Variants in CYP4Z1 observed in about 807,000 individuals in gnomAD.
CYP4Z1 encodes cytochrome P450 4Z1.
In CYP4Z1, 41 loss-of-function variants were observed where a neutral mutation model predicts 54.2. That is an observed-to-expected ratio of 0.76 (90% CI 0.59 to 0.98). CYP4Z1 has a LOEUF of 0.98. CYP4Z1 is among the 50% of genes least tolerant of loss of function. The pLI is 0.00. For synonymous variants in CYP4Z1, 163 were observed against 206.2 expected (o/e 0.79, Z 1.79); for missense variants, 513 against 599.0 (o/e 0.86, Z 1.50).
the CYP4Z1 span, among the ~76,000 whole-genome samples, chr1:47,060,699 T>C: frequency 6.6e-6 from 1 of 151,972 alleles, no homozygotes; most frequent in Non-Finnish European, 1.5e-5. Flanking sequence ...CAGGACTAAA[T>C]AGATCTGATA....
chr1:47,116,414 G>A (rs1644830496), intron 10 of CYP4Z1, among the ~76,000 whole-genome samples: 1 of 152,014 alleles, frequency 6.6e-6, no homozygotes, highest in Non-Finnish European at 1.5e-5. Context: ...CTTACTATCG[G>A]GGCCTGTTTA....
intron 4 of CYP4Z1, among the ~76,000 whole-genome samples, chr1:47,083,155 T>C (rs1163156613): frequency 6.6e-6 from 1 of 151,948 alleles, no homozygotes; most frequent in Admixed American, 6.6e-5. Flanking sequence ...AGTAAAGCAA[T>C]TCTATACACA....
At chr1:47,111,195 T>C (rs1338147520) in intron 9 of CYP4Z1, among the ~76,000 whole-genome samples, 1 of 151,958 alleles carries the variant, frequency 6.6e-6, no homozygotes, top group Non-Finnish European at 1.5e-5. Flanking sequence ...TCTGCAATTT[T>C]TTTTTTTTGA....
At position 47,118,059 on chromosome 1, in the gene CYP4Z1, C is replaced by A; in HGVS notation, c.*125C>A. The A allele has an allele frequency of 9.8e-7, 1 of 1,024,666 alleles. No individual in the cohort carries two copies. Among genetic ancestry groups the A allele is most frequent in the Non-Finnish European group, 1.3e-6 (1 of 743,462 alleles). 63.5% of individuals were successfully genotyped at this position (1,024,666 alleles called of 1,614,324 possible). A position where few individuals can be genotyped will look rare whatever the true frequency, so the allele number is the denominator to read the frequency against. Reference sequence around the variant, plus strand: ...ACAAATTATATAACTTAGGATACTTCTGACTGGTTTTGACATCCATTAACA... The same window carrying A: ...ACAAATTATATAACTTAGGATACTTATGACTGGTTTTGACATCCATTAACA... On this transcript the variant is annotated 3_prime_UTR_variant, in exon 12 of 12. Transcript: ENST00000334194.
chr1:47,059,536 G>A, the CYP4Z1 span, among the ~76,000 whole-genome samples: 115 of 152,234 alleles, frequency 7.6e-4, 4 homozygotes, highest in South Asian at 0.023. Context: ...ATTTGCAACA[G>A]GCTGGCCAAT....
chr1:47,064,080 C>CTTTTTTT (rs34267768), upstream of CYP4Z1, among the ~76,000 whole-genome samples: 1 of 119,556 alleles, frequency 8.4e-6, no homozygotes, highest in Non-Finnish European at 1.7e-5. Context: ...GATTTGGGTC[C>CTTTTTTT]TTTTTTTTTT....
intron 9 of CYP4Z1, 51 bp downstream of exon 9, chr1:47,106,312 A>G (rs1406607508): frequency 6.3e-7 from 1 of 1,577,234 alleles, no homozygotes; most frequent in South Asian, 1.2e-5. Context: ...GCTGGATTGA[A>G]ATGTCTTAAC....
rs1644637610 is a variant in CYP4Z1 at position 47,091,497 on chromosome 1, G to T, written c.773-3069G>T. On this transcript the variant is annotated intron_variant, in intron 6 of 11. Coordinates refer to ENST00000334194, the MANE Select transcript of CYP4Z1 (RefSeq NM_178134.3). ...AGCATGAGCATGGAGAGCTAAGAGA[G>T]CATACTTGGAGTAGGTATAAATGTT... Among the ~76,000 whole-genome samples the T allele has an allele frequency of 1.4e-5, 2 of 146,918 alleles. 1 individual carries two copies. Among genetic ancestry groups the T allele is most frequent in the Non-Finnish European group, 3.0e-5 (2 of 67,302 alleles).
chr1:47,098,129 T>G (rs1191875246), intron 7 of CYP4Z1, among the ~76,000 whole-genome samples: 1 of 152,212 alleles, frequency 6.6e-6, no homozygotes, highest in South Asian at 2.1e-4. Flanking sequence ...ATATGAATTT[T>G]AAAAGTTTTT....
At chr1:47,057,640 C>A in the CYP4Z1 span, among the ~76,000 whole-genome samples, 1 of 150,608 alleles carries the variant, frequency 6.6e-6, no homozygotes, top group Non-Finnish European at 1.5e-5. Context: ...TTAGACTTTT[C>A]ATTTGATTTT....
rs190182470 is a variant in CYP4Z1, at chr1:47,076,661, C to T, written c.320-3962C>T. Among the ~76,000 whole-genome samples, 724 of 151,250 alleles carry T rather than the reference C, an allele frequency of 4.8e-3. 13 individuals carry two copies. The highest frequency in any genetic ancestry group is 0.047 in the East Asian group (238 of 5,092). On this transcript the variant is annotated intron_variant, in intron 2 of 11. Coordinates refer to ENST00000334194, the MANE Select transcript of CYP4Z1 (RefSeq NM_178134.3). ...GAGATCGAGACCATCCTGGCTAACA[C>T]AGTGAAACCCCGTCTCTACTAAAAA...
At chr1:47,063,372 T>C (rs1162637109), upstream of CYP4Z1, among the ~76,000 whole-genome samples, 1 of 151,782 alleles carries the variant, frequency 6.6e-6, no homozygotes, top group African/African-American at 2.4e-5. Context: ...TTACCAGCAA[T>C]GGATCCAAAC....
intron 9 of CYP4Z1, among the ~76,000 whole-genome samples, chr1:47,107,568 T>A (rs1380471454): frequency 6.6e-6 from 1 of 151,904 alleles, no homozygotes; most frequent in South Asian, 2.1e-4. Context: ...CAGCTCAGAG[T>A]CAACTTTTAC....
In CYP4Z1 at chr1:47,094,612, A is replaced by G. The variant is rs1205207889; in HGVS notation, c.819A>G (p.Lys273=). 3 of 1,610,394 alleles carry G rather than the reference A, an allele frequency of 1.9e-6. No individual in the cohort carries two copies. Among genetic ancestry groups the G allele is most frequent in the Non-Finnish European group, 2.5e-6 (3 of 1,178,938 alleles). Residue 273 remains lysine (K), a synonymous_variant, in exon 7 of 12, where the codon AAA becomes AAG. Transcript: ENST00000334194. The part of the protein sequence containing the change: ...DRKESLKDKL[K]QDTTQKRRWD... ...AGGAGTCTCTTAAGGATAAGCTAAA[A>G]CAAGATACTACTCAGAAAAGGCGCT...
chr1:47,062,673 C>A (rs9326154), upstream of CYP4Z1, among the ~76,000 whole-genome samples: 58,428 of 151,728 alleles, frequency 0.39, 12,494 homozygotes, highest in East Asian at 0.97. Flanking sequence ...CCATCCCCCA[C>A]AACAGCTGCA....
chr1:47,076,844 CAAAAA>C (rs59854360), intron 2 of CYP4Z1, among the ~76,000 whole-genome samples: 2 of 81,426 alleles, frequency 2.5e-5, no homozygotes, highest in Non-Finnish European at 2.4e-5. Context: ...GACGCTGTCT[CAAAAA>C]AAAAAAAAAA....
chr1:47,097,247 A>G (rs1190463204), intron 7 of CYP4Z1: 1 of 152,044 alleles, frequency 6.6e-6, no homozygotes, highest in Non-Finnish European at 1.5e-5. Flanking sequence ...TGTCTTTGCT[A>G]TTGTGAATAG....
chr1:47,085,513 T>C (rs1162047644), intron 6 of CYP4Z1, among the ~76,000 whole-genome samples: 2 of 152,328 alleles, frequency 1.3e-5, no homozygotes, highest in Admixed American at 6.5e-5. Context: ...TTTATCTTGA[T>C]AAAATTGGCC....
intron 9 of CYP4Z1, among the ~76,000 whole-genome samples, chr1:47,115,189 C>T (rs1379288464): frequency 3.3e-5 from 5 of 152,114 alleles, no homozygotes; most frequent in East Asian, 3.9e-4. Flanking sequence ...AGCAAACTAT[C>T]GCAAGGACAA....
Sources: allele counts gnomAD v4.1 joint callset (sites outside exome capture counted in the v4.1 genomes callset), GRCh38; gene constraint gnomAD v4.1.1; transcripts MANE v1.5; gene names NCBI Gene and HGNC (gene_info 2026-07-23, HGNC 2026-07-21).